The following ASXL3 variants were observed in gnomAD, a reference collection of about 807,000 sequenced individuals.
The protein encoded by ASXL3 is ASXL transcriptional regulator 3.
A neutral mutation model predicts 170.6 loss-of-function variants in ASXL3; 34 were observed. That is an observed-to-expected ratio of 0.20 (90% confidence interval 0.15 to 0.27). ASXL3 has a LOEUF of 0.27. Among genes scored for constraint, ASXL3 ranks in the 10% least tolerant of loss-of-function variants. ASXL3 has a pLI of 1.00. For synonymous variants in ASXL3, 1,002 were observed against 989.1 expected (o/e 1.01, Z -0.24); for missense variants, 2,592 against 2,695.3 (o/e 0.96, Z 0.85).
intron 8 of ASXL3, among the ~76,000 whole-genome samples, chr18:33,730,607 A>T (rs1302692359): frequency 6.6e-6 from 1 of 152,164 alleles, no homozygotes; most frequent in Admixed American, 6.5e-5. Flanking sequence ...ATGAGGTGGG[A>T]CATTGGCATG....
intron 1 of ASXL3, among the ~76,000 whole-genome samples, chr18:33,598,606 G>A (rs751148712): frequency 1.9e-4 from 29 of 152,034 alleles, no homozygotes; most frequent in Non-Finnish European, 3.1e-4. Flanking sequence ...CTTTATCATC[G>A]GGCATGATTT....
chr18:33,665,120 T>C (rs894765837), intron 5 of ASXL3, among the ~76,000 whole-genome samples: 4 of 152,152 alleles, frequency 2.6e-5, no homozygotes, highest in African/African-American at 9.7e-5. Flanking sequence ...GATTAAATTT[T>C]GGAAATTTTA....
intron 7 of ASXL3, among the ~76,000 whole-genome samples, chr18:33,679,160 A>C (rs1045064587): frequency 1.3e-5 from 2 of 152,166 alleles, no homozygotes; most frequent in African/African-American, 4.8e-5. Context: ...ACTCTGTTAC[A>C]TGAGAATATT....
At chr18:33,657,516 C>T (rs552536857) in intron 4 of ASXL3, among the ~76,000 whole-genome samples, 4 of 152,200 alleles carry the variant, frequency 2.6e-5, no homozygotes, top group African/African-American at 9.6e-5. Flanking sequence ...TATCCCCTCC[C>T]TAGCATGCAG....
intron 2 of ASXL3, among the ~76,000 whole-genome samples, chr18:33,617,270 T>C (rs986108301): frequency 3.3e-5 from 5 of 152,058 alleles, no homozygotes; most frequent in African/African-American, 1.2e-4. Flanking sequence ...GGTGGGCGTA[T>C]TGCTTAAGGT....
chr18:33,598,021 G>C (rs565025064), intron 1 of ASXL3, among the ~76,000 whole-genome samples: 2 of 152,060 alleles, frequency 1.3e-5, no homozygotes, highest in African/African-American at 4.8e-5. Flanking sequence ...TGCTCTTCAC[G>C]TTATCCTGCA....
At chr18:33,642,417 GT>G (rs1218790488) in intron 2 of ASXL3, among the ~76,000 whole-genome samples, 1 of 151,718 alleles carries the variant, frequency 6.6e-6, no homozygotes, top group Non-Finnish European at 1.5e-5. Context: ...AGAATAACTA[GT>G]TTTTCCTCCA....
intron 9 of ASXL3, 56 bp downstream of exon 9, chr18:33,732,120 A>G: frequency 7.4e-7 from 1 of 1,358,998 alleles, no homozygotes; most frequent in Non-Finnish European, 1.0e-6. Flanking sequence ...TACCGTACTG[A>G]GCTTGTACCT....
At position 33,739,114 on chromosome 18, in the gene ASXL3, C is replaced by A. The variant is rs1458597909; in HGVS notation, c.1710C>A (p.Pro570=). 1 of 1,613,282 alleles carries A rather than the reference C, an allele frequency of 6.2e-7. No individual in the cohort carries two copies. Among genetic ancestry groups the A allele is most frequent in the South Asian group, 1.1e-5 (1 of 90,974 alleles). ...ESETAVETST[P]KIKTGSSSLE... is the part of the protein sequence containing the mutation. ...AAACTGCAGTAGAGACCAGTACCCC[C>A]AAAATAAAAACAGGGTCATCTTCTC... The change falls in exon 11 of 12, where the codon CCC becomes CCA. Residue 570 remains proline, a synonymous_variant. Coordinates refer to ENST00000269197, the MANE Select transcript of ASXL3 (RefSeq NM_030632.3).
intron 8 of ASXL3, among the ~76,000 whole-genome samples, chr18:33,716,969 G>C (rs980729632): frequency 6.6e-6 from 1 of 151,200 alleles, no homozygotes; most frequent in East Asian, 2.0e-4. Context: ...CTGTTCTTTT[G>C]TTATATATTT....
At chr18:33,601,095 T>G (rs2145113077) in intron 1 of ASXL3, among the ~76,000 whole-genome samples, 1 of 152,160 alleles carries the variant, frequency 6.6e-6, no homozygotes, top group African/African-American at 2.4e-5. Flanking sequence ...GTGGAATACG[T>G]TTGGAATTGG....
At chr18:33,662,334 G>T (rs2066187558) in intron 5 of ASXL3, among the ~76,000 whole-genome samples, 1 of 152,096 alleles carries the variant, frequency 6.6e-6, no homozygotes, top group Non-Finnish European at 1.5e-5. Context: ...GACATGCCCT[G>T]GTTTGAATTC....
At chr18:33,604,659 G>A (rs1030292848) in intron 1 of ASXL3, among the ~76,000 whole-genome samples, 6 of 151,986 alleles carry the variant, frequency 3.9e-5, no homozygotes, top group African/African-American at 1.4e-4. Context: ...AAAATTCCCA[G>A]AAGTGCCGTT....
At chr18:33,661,856 A>T in intron 5 of ASXL3, 119 bp downstream of exon 5, 1 of 1,156,238 alleles carries the variant, frequency 8.6e-7, no homozygotes. Context: ...CCTGAATTCA[A>T]TCCCATCCAT....
intron 8 of ASXL3, among the ~76,000 whole-genome samples, chr18:33,690,881 C>T (rs1428530085): frequency 6.6e-6 from 1 of 152,140 alleles, no homozygotes; most frequent in African/African-American, 2.4e-5. Context: ...CACTGCACAT[C>T]AGGCTACTCC....
At position 33,744,379 on chromosome 18, in the gene ASXL3, G is replaced by C. The variant is rs200748841; in HGVS notation, c.4531G>C (p.Val1511Leu). Residue 1511 changes from valine to leucine, a missense_variant, in exon 12 of 12, where the codon GTA (valine) becomes CTA (leucine). Around this residue, in one of 4 missense-constraint regions of ASXL3, gnomAD observed 2,246 missense variants for 2,219.6 expected, o/e 1.01. Coordinates refer to ENST00000269197, the MANE Select transcript of ASXL3 (RefSeq NM_030632.3). ...CAGACCAGTGAGGACAGAGGCATCC[G>C]TACAGCCCGTGGCGTGTCCTCAGGT... Reference protein sequence around the residue: ...QGRPVRTEASVQPVACPQVSV... With the variant: ...QGRPVRTEASLQPVACPQVSV... 1.2e-4 allele frequency: 198 copies of C among 1,613,654 alleles called. No homozygotes were observed. Among genetic ancestry groups the C allele is most frequent in the Non-Finnish European group, 8.7e-5 (103 of 1,179,794 alleles).
intron 1 of ASXL3, among the ~76,000 whole-genome samples, chr18:33,592,962 T>C (rs1167465807): frequency 6.6e-6 from 1 of 152,246 alleles, no homozygotes; most frequent in East Asian, 1.9e-4. Context: ...TTTATATTTT[T>C]GCCTTACAAA....
chr18:33,717,678 C>T (rs1442817182), intron 8 of ASXL3, among the ~76,000 whole-genome samples: 1 of 152,056 alleles, frequency 6.6e-6, no homozygotes, highest in African/African-American at 2.4e-5. Context: ...GTCTTGAATA[C>T]ATCAGAAGGA....
At chr18:33,703,511 CCTTGACCTCTTGGTTGTA>C (rs1432620720) in intron 8 of ASXL3, among the ~76,000 whole-genome samples, 2 of 152,144 alleles carry the variant, frequency 1.3e-5, no homozygotes, top group African/African-American at 2.4e-5. Flanking sequence ...AGAAAGGAGC[CCTTGACCTCTTGGTTGTA>C]CTTGCCAGGT....
Sources: allele counts gnomAD v4.1 joint callset (sites outside exome capture counted in the v4.1 genomes callset), GRCh38; gene constraint gnomAD v4.1.1; regional missense constraint gnomAD v4.1.1; transcripts MANE v1.5; gene names NCBI Gene and HGNC (gene_info 2026-07-23, HGNC 2026-07-21).